Variants in ARAP1 observed in about 807,000 individuals in gnomAD.
ARAP1 encodes arf-GAP with Rho-GAP domain, ANK repeat and PH domain-containing protein 1.
In ARAP1, 76 loss-of-function variants were observed where a neutral mutation model predicts 172.2. The observed-to-expected ratio is 0.44, with a 90% CI of 0.37 to 0.53. ARAP1 has a LOEUF of 0.53. Among genes scored for constraint, ARAP1 ranks in the 20% least tolerant of loss-of-function variants. ARAP1 has a pLI of 0.00. For synonymous variants in ARAP1, 804 were observed against 803.3 expected (o/e 1.00, Z -0.01); for missense variants, 1,686 against 1,977.5 (o/e 0.85, Z 2.80).
chr11:72,750,999 T>C (rs1351085428), intron 1 of ARAP1, among the ~76,000 whole-genome samples: 1 of 152,108 alleles, frequency 6.6e-6, no homozygotes, highest in African/African-American at 2.4e-5. Context: ...GTGTGAAGCA[T>C]GGCTGGAGCC....
intron 1 of ARAP1, among the ~76,000 whole-genome samples, chr11:72,745,484 A>G (rs1324831692): frequency 6.6e-6 from 1 of 150,904 alleles, no homozygotes; most frequent in Non-Finnish European, 1.5e-5. Flanking sequence ...GATTACAGGC[A>G]TGAGCCACCA....
At chr11:72,712,761 C>G (rs929622255) in intron 5 of ARAP1, 193 bp from the exon 6 acceptor site, 29 of 908,018 alleles carry the variant, frequency 3.2e-5, no homozygotes, top group Non-Finnish European at 4.5e-5. Context: ...ACAGGAGAGC[C>G]AGTGGCAGAA....
In ARAP1 at chr11:72,697,020, G is replaced by A; in HGVS notation, c.3129C>T (p.Phe1043=). 6.2e-7 allele frequency: 1 copy of A among 1,609,142 alleles called. No individual in the cohort carries two copies. Among genetic ancestry groups the A allele is most frequent in the Non-Finnish European group, 8.5e-7 (1 of 1,179,910 alleles). ...RFLRDLPDGL[F]TRAQRLTWLE... ...GCCAGGTTAGGCGCTGGGCGCGAGT[G>A]AAGAGCCCATCAGGCAGGTCGCGCA... is the stretch of plus-strand genomic sequence containing the variant. Residue 1043 remains phenylalanine, a synonymous_variant, in exon 22 of 35, where the codon TTC becomes TTT. Coordinates refer to ENST00000393609, the MANE Select transcript of ARAP1 (RefSeq NM_001040118.3).
At chr11:72,743,514 A>G (rs1206227782) in intron 1 of ARAP1, among the ~76,000 whole-genome samples, 1 of 152,058 alleles carries the variant, frequency 6.6e-6, no homozygotes, top group Admixed American at 6.5e-5. Flanking sequence ...TCAGGGCCTG[A>G]CCCCAGCTCA....
At chr11:72,685,888 C>T (rs1565206528) in intron 34 of ARAP1, 154 bp downstream of exon 34, 1 of 1,447,938 alleles carries the variant, frequency 6.9e-7, no homozygotes, top group Non-Finnish European at 9.6e-7. Flanking sequence ...TGGTGTGAAC[C>T]AAAGAGGCCT....
At position 72,707,284 on chromosome 11, in the gene ARAP1, G is replaced by T; in HGVS notation, c.1614C>A (p.Ala538=). 4 of 1,613,588 alleles carry T rather than the reference G, an allele frequency of 2.5e-6. No individual in the cohort carries two copies. In the Admixed American group the frequency reaches 5.0e-5, roughly 20 times the overall value. Residue 538 remains alanine (A), a synonymous_variant, in exon 12 of 35, where the codon GCC becomes GCA. Transcript: ENST00000393609. Reference sequence around the variant, plus strand: ...TGGGGGCTGCAGCCCAGATGCGCTCGGCCACCTCCGAGGTAGACAGGGCCT... The same window carrying T: ...TGGGGGCTGCAGCCCAGATGCGCTCTGCCACCTCCGAGGTAGACAGGGCCT... The part of the protein sequence containing the change: ...IAEALSTSEV[A]ERIWAAAPNR...
At position 72,710,827 on chromosome 11, in the gene ARAP1, C is replaced by T. The variant is rs1169414965; in HGVS notation, c.1213+194G>A. On this transcript the variant is annotated intron_variant, in intron 9 of 34. Transcript: ENST00000393609. This position sits in a 1 kb window ranked among gnomAD's most constrained non-coding sequence, Gnocchi z 4.3. The stretch of plus-strand genomic sequence containing the variant: ...CGCTGATTGTGTGGTTCTGAGGAGT[C>T]AGTGACCGTGCCAAGCACAGAGCCG... 5.3e-5 allele frequency among the ~76,000 whole-genome samples: 8 copies of T among 152,222 alleles called. No homozygotes were observed. Among genetic ancestry groups the T allele is most frequent in the Admixed American group, 2.6e-4 (4 of 15,290 alleles).
intron 5 of ARAP1, 183 bp downstream of exon 5, chr11:72,712,993 G>T: frequency 1.5e-6 from 1 of 671,554 alleles, no homozygotes. Flanking sequence ...CCGACCCCTG[G>T]CCCAGAGCGC....
rs1463997107 is a variant in ARAP1 at position 72,697,349 on chromosome 11, C to T, written c.2927G>A (p.Arg976His). 6.3e-7 allele frequency: 1 copy of T among 1,598,234 alleles called. No homozygotes were observed. The highest frequency in any genetic ancestry group is 1.8e-5 in the Admixed American group (1 of 56,942). The part of the protein sequence containing the change: ...GDSDIPVIVY[R>H]CVDYITQCGL... ...GCACTGCGTGATGTAGTCCACACAG[C>T]GGTACACGATCACCGGGATATCCGA... Residue 976 changes from arginine to histidine, a missense_variant, in exon 21 of 35, where the codon CGC (arginine) becomes CAC (histidine). Transcript: ENST00000393609.
Position 72,726,718 on chromosome 11 carries a change from T to C in ARAP1, c.411A>G (p.Pro137=), listed in dbSNP as rs1397506313. 8.0e-7 allele frequency: 1 copy of C among 1,254,402 alleles called. No homozygotes were observed. The highest frequency in any genetic ancestry group is 1.0e-6 in the Non-Finnish European group (1 of 973,108). The allele number at this position is 1,254,402 out of a possible 1,614,324, so 77.7% of individuals were successfully genotyped here. ...TCFTTPSTAA[P]DPVLPPLPAK... is the part of the protein sequence containing the mutation. ...CAGGCAGCGGGGGCAGCACAGGGTCTGGGGCAGCTGTGGATGGGGTGGTGA... is the reference window on the plus strand; with the variant it reads ...CAGGCAGCGGGGGCAGCACAGGGTCCGGGGCAGCTGTGGATGGGGTGGTGA... Residue 137 remains proline (P), a synonymous_variant, in exon 3 of 35, where the codon CCA becomes CCG. Coordinates refer to ENST00000393609, the MANE Select transcript of ARAP1 (RefSeq NM_001040118.3). The surrounding 1 kb of genome is among the most constrained non-coding windows in gnomAD (Gnocchi z 6.5).
At position 72,710,276 on chromosome 11, in the gene ARAP1, C is replaced by G; in HGVS notation, c.1416+109G>C. Reference sequence around the variant, plus strand: ...GGACATATCCAGGCAAAGGGCTGGGCCCAGTGCAGGAAAAGAGGGAACAGA... The same window carrying G: ...GGACATATCCAGGCAAAGGGCTGGGGCCAGTGCAGGAAAAGAGGGAACAGA... On this transcript the variant is annotated intron_variant, in intron 10 of 34. Transcript: ENST00000393609. The surrounding 1 kb of genome is among the most constrained non-coding windows in gnomAD (Gnocchi z 4.3). 2 of 1,361,114 alleles carry G rather than the reference C, an allele frequency of 1.5e-6. No homozygotes were observed. The highest frequency in any genetic ancestry group is 2.1e-6 in the Non-Finnish European group (2 of 968,668). 84.3% of individuals were successfully genotyped at this position (1,361,114 alleles called of 1,614,324 possible). A position where few individuals can be genotyped will look rare whatever the true frequency, so the allele number is the denominator to read the frequency against.
At chr11:72,717,293 G>C (rs1426342406) in intron 3 of ARAP1, among the ~76,000 whole-genome samples, 1 of 152,190 alleles carries the variant, frequency 6.6e-6, no homozygotes, top group Non-Finnish European at 1.5e-5. Flanking sequence ...GATCAGCAGA[G>C]AGCAGAATTC....
At chr11:72,687,173 C>T (rs1004670664) in intron 33 of ARAP1, 8 of 526,794 alleles carry the variant, frequency 1.5e-5, no homozygotes, top group Non-Finnish European at 2.4e-5. Flanking sequence ...TAACTGGCCA[C>T]TTCTGAGTCT....
intron 3 of ARAP1, among the ~76,000 whole-genome samples, chr11:72,720,650 A>G (rs1464686925): frequency 2.6e-5 from 4 of 152,178 alleles, no homozygotes; most frequent in African/African-American, 9.7e-5. Flanking sequence ...GTTAACCTGG[A>G]GCCCATCCTC....
Position 72,742,475 on chromosome 11 carries a change from G to C in ARAP1, c.-128+9853C>G, listed in dbSNP as rs549288966. On this transcript the variant is annotated intron_variant, in intron 1 of 34. Coordinates refer to ENST00000393609, the MANE Select transcript of ARAP1 (RefSeq NM_001040118.3). ...ACTCAGGAGCCAGAATCTGTATCAA[G>C]GGTCCTCTCAAGGGGACAGCGTGAA... 2.0e-5 allele frequency among the ~76,000 whole-genome samples: 3 copies of C among 152,288 alleles called. No individual in the cohort carries two copies. In the East Asian group the frequency reaches 5.8e-4, roughly 29 times the overall value.
At position 72,699,354 on chromosome 11, in the gene ARAP1, G is replaced by A; in HGVS notation, c.2438+63C>T. The A allele has an allele frequency of 1.2e-6, 2 of 1,603,496 alleles. No individual in the cohort carries two copies. Among genetic ancestry groups the A allele is most frequent in the East Asian group, 2.2e-5 (1 of 44,682 alleles). ...TCCCCTTCTCTGGGTCTATTTCCCTGTCTCCCCAGTGGGGGATTGTACCTT... is the reference window on the plus strand; with the variant it reads ...TCCCCTTCTCTGGGTCTATTTCCCTATCTCCCCAGTGGGGGATTGTACCTT... On this transcript the variant is annotated intron_variant, in intron 17 of 34. Coordinates refer to ENST00000393609, the MANE Select transcript of ARAP1 (RefSeq NM_001040118.3). This position sits in a 1 kb window ranked among gnomAD's most constrained non-coding sequence, Gnocchi z 4.2.
chr11:72,695,459 C>G lies in ARAP1; in HGVS notation c.3508-4G>C. ...TGCAGATGAAGTCACCGGCATGCTG[C>G]AGGGAGACAGGGCTCAGCTGGGGGC... On this transcript the variant is annotated splice_region_variant and splice_polypyrimidine_tract_variant and intron_variant, in intron 25 of 34. Coordinates refer to ENST00000393609, the MANE Select transcript of ARAP1 (RefSeq NM_001040118.3). The surrounding 1 kb of genome is among the most constrained non-coding windows in gnomAD (Gnocchi z 4.4). 6 of 1,614,258 alleles carry G rather than the reference C, an allele frequency of 3.7e-6. No homozygotes were observed. Among genetic ancestry groups the G allele is most frequent in the Non-Finnish European group, 5.1e-6 (6 of 1,180,048 alleles).
intron 30 of ARAP1, chr11:72,688,789 C>G (rs1022526076): frequency 8.8e-6 from 4 of 454,962 alleles, no homozygotes; most frequent in Non-Finnish European, 1.6e-5. Context: ...GTCTCCGAGG[C>G]AGCCGTCCCA....
At chr11:72,711,531 C>T (rs754829626) in intron 7 of ARAP1, 32 bp from the exon 8 acceptor site, 1 of 1,587,822 alleles carries the variant, frequency 6.3e-7, no homozygotes. Flanking sequence ...AAGCAAATGA[C>T]CGGGGGTAGG....
Sources: allele counts gnomAD v4.1 joint callset (sites outside exome capture counted in the v4.1 genomes callset), GRCh38; gene constraint gnomAD v4.1.1; non-coding constraint Gnocchi (gnomAD v3.1); transcripts MANE v1.5; gene names NCBI Gene and HGNC (gene_info 2026-07-23, HGNC 2026-07-21).